Variants in SCN10A observed in about 807,000 individuals in gnomAD.
SCN10A encodes sodium voltage-gated channel alpha subunit 10.
A neutral mutation model predicts 170.7 loss-of-function variants in SCN10A; 162 were observed. That is an observed-to-expected ratio of 0.95 (90% CI 0.84 to 1.08). The LOEUF (loss-of-function observed/expected upper bound fraction) is 1.08. SCN10A is among the 50% of genes least tolerant of loss of function. The pLI is 0.00. For missense variants in SCN10A, 2,527 were observed against 2,436.9 expected, an observed-to-expected ratio of 1.04 and a Z score of -0.78; for synonymous variants, 985 against 904.6, an observed-to-expected ratio of 1.09 and a Z score of -1.59.
chr3:38,709,397 G>A, intron 25 of SCN10A, 81 bp downstream of exon 25: 1 of 1,436,306 alleles, frequency 7.0e-7, no homozygotes, highest in Non-Finnish European at 9.4e-7. Flanking sequence ...GCTTTTGTCA[G>A]GAGGCCAGAG....
intron 15 of SCN10A, among the ~76,000 whole-genome samples, chr3:38,738,102 G>A (rs2063590563): frequency 6.6e-6 from 1 of 151,684 alleles, no homozygotes; most frequent in African/African-American, 2.4e-5. Flanking sequence ...CACCATGCCT[G>A]GCTAATTTTT....
intron 20 of SCN10A, among the ~76,000 whole-genome samples, chr3:38,720,903 T>C (rs2063383017): frequency 6.6e-6 from 1 of 152,190 alleles, no homozygotes; most frequent in Non-Finnish European, 1.5e-5. Context: ...TGCCCAGCCC[T>C]CTCTTGCCCC....
intron 3 of SCN10A, among the ~76,000 whole-genome samples, chr3:38,789,578 G>A (rs189208614): frequency 2.0e-5 from 3 of 152,208 alleles, no homozygotes; most frequent in Admixed American, 2.0e-4. Flanking sequence ...AGATTGTTTG[G>A]GTAACTTAGT....
intron 20 of SCN10A, among the ~76,000 whole-genome samples, chr3:38,721,579 C>A (rs1442574383): frequency 6.6e-6 from 1 of 152,172 alleles, no homozygotes; most frequent in Non-Finnish European, 1.5e-5. Flanking sequence ...AGATGTCTCC[C>A]AACTCTGAAT....
intron 12 of SCN10A, among the ~76,000 whole-genome samples, chr3:38,750,432 G>C (rs1218351908): frequency 6.6e-6 from 1 of 152,124 alleles, no homozygotes; most frequent in Non-Finnish European, 1.5e-5. Context: ...ATTGCTCCTA[G>C]GCTACAAATC....
chr3:38,773,637 G>A (rs1019846373), intron 4 of SCN10A, among the ~76,000 whole-genome samples: 1 of 152,088 alleles, frequency 6.6e-6, no homozygotes, highest in Non-Finnish European at 1.5e-5. Flanking sequence ...TAACTCCAAG[G>A]AAAGCAAAAA....
chr3:38,723,559 G>T lies in SCN10A; in HGVS notation c.3229-6C>A. On this transcript the variant is annotated splice_polypyrimidine_tract_variant and splice_region_variant and intron_variant, in intron 18 of 27. Coordinates refer to ENST00000449082, the MANE Select transcript of SCN10A (RefSeq NM_006514.4). ...GAGCTTGTGTCGTCCACTCCCTGCA[G>T]GGGAGAAGCCCAGGGCAGTGAACTC... is the stretch of plus-strand genomic sequence containing the variant. 1 of 1,580,952 alleles carries T rather than the reference G, an allele frequency of 6.3e-7. No homozygotes were observed. The highest frequency in any genetic ancestry group is 2.3e-5 in the East Asian group (1 of 43,008).
intron 15 of SCN10A, among the ~76,000 whole-genome samples, chr3:38,733,166 C>G (rs947943604): frequency 2.0e-5 from 3 of 152,088 alleles, no homozygotes; most frequent in African/African-American, 7.2e-5. Context: ...TGAAATAAAT[C>G]AAAATCCCTG....
intron 21 of SCN10A, 93 bp from the exon 22 acceptor site, chr3:38,714,173 T>A (rs2063307343): frequency 6.8e-7 from 1 of 1,477,046 alleles, no homozygotes; most frequent in Non-Finnish European, 9.3e-7. Context: ...AGCCTCCCAT[T>A]CCTACACGTC....
chr3:38,736,912 T>C (rs1351142667), intron 15 of SCN10A, among the ~76,000 whole-genome samples: 1 of 148,428 alleles, frequency 6.7e-6, no homozygotes, highest in Non-Finnish European at 1.5e-5. Flanking sequence ...AAGTAGCACA[T>C]AGACCTTAAA....
intron 21 of SCN10A, among the ~76,000 whole-genome samples, chr3:38,717,424 G>A (rs997556669): frequency 1.3e-5 from 2 of 152,250 alleles, no homozygotes; most frequent in Non-Finnish European, 2.9e-5. Context: ...AGGAGTGACT[G>A]TGCCCCCAAA....
chr3:38,760,088 TG>T (rs2063852289), intron 8 of SCN10A, among the ~76,000 whole-genome samples: 1 of 152,262 alleles, frequency 6.6e-6, no homozygotes, highest in Non-Finnish European at 1.5e-5. Flanking sequence ...CCCTTTCCAA[TG>T]TGACTTTTCA....
chr3:38,767,180 A>G (rs2063942160), intron 5 of SCN10A, among the ~76,000 whole-genome samples: 1 of 151,532 alleles, frequency 6.6e-6, no homozygotes, highest in Admixed American at 6.6e-5. Context: ...TTTTTAAAGA[A>G]CCCGCTTTTT....
At chr3:38,721,573 G>A (rs906253514) in intron 20 of SCN10A, among the ~76,000 whole-genome samples, 7 of 152,160 alleles carry the variant, frequency 4.6e-5, no homozygotes, top group African/African-American at 1.7e-4. Flanking sequence ...CCTTAGAGAT[G>A]TCTCCCAACT....
intron 4 of SCN10A, among the ~76,000 whole-genome samples, chr3:38,786,914 A>T (rs941686273): frequency 6.6e-6 from 1 of 152,170 alleles, no homozygotes; most frequent in Non-Finnish European, 1.5e-5. Flanking sequence ...CTTCAATTAG[A>T]GCTTTATAGT....
Position 38,776,735 on chromosome 3 carries a change from T to C in SCN10A, c.471-5328A>G, listed in dbSNP as rs550742780. On this transcript the variant is annotated intron_variant, in intron 4 of 27. Coordinates refer to ENST00000449082, the MANE Select transcript of SCN10A (RefSeq NM_006514.4). ...AAACAAAGTAAGAATAAGTTGGAGT[T>C]CCCAGGGACAATTGAGGAGAGAGTT... Among the ~76,000 whole-genome samples the C allele has an allele frequency of 2.0e-3, 298 of 152,118 alleles. 5 individuals carry two copies. The highest frequency in any genetic ancestry group is 3.1e-3 in the Non-Finnish European group (210 of 67,908).
rs761285678 is a variant in SCN10A at position 38,760,712 on chromosome 3, G to T, written c.919C>A (p.Pro307Thr). The T allele has an allele frequency of 1.2e-6, 2 of 1,613,870 alleles. No individual in the cohort carries two copies. Among genetic ancestry groups the T allele is most frequent in the African/African-American group, 1.3e-5 (1 of 74,910 alleles). The change falls in exon 8 of 28, where the codon CCC becomes ACC. Residue 307 changes from proline to threonine, a missense_variant. Pro to Thr is a conservative substitution (Grantham distance 38). Coordinates refer to ENST00000449082, the MANE Select transcript of SCN10A (RefSeq NM_006514.4). ...TCAGATCCATTGCCACACAGTAAGGGGTCAGAAGTGCCTCGCTTATTTATG... is the reference window on the plus strand; with the variant it reads ...TCAGATCCATTGCCACACAGTAAGGTGTCAGAAGTGCCTCGCTTATTTATG... ...IYINKRGTSD[P>T]LLCGNGSDSG...
chr3:38,767,585 G>C (rs924549739), intron 5 of SCN10A, among the ~76,000 whole-genome samples: 5 of 151,850 alleles, frequency 3.3e-5, no homozygotes, highest in African/African-American at 1.2e-4. Flanking sequence ...AGGTTTATTC[G>C]ACTGTGCTCT....
At chr3:38,709,862 T>C (rs1222194871) in intron 24 of SCN10A, among the ~76,000 whole-genome samples, 1 of 152,196 alleles carries the variant, frequency 6.6e-6, no homozygotes, top group Non-Finnish European at 1.5e-5. Context: ...TCTGAGTAAC[T>C]GTGTAGAGCA....
Sources: gnomAD v4.1 joint callset for allele counts (sites outside exome capture counted in the v4.1 genomes callset) on GRCh38, gnomAD v4.1.1 for gene constraint, MANE v1.5 for transcripts, NCBI Gene and HGNC (gene_info 2026-07-23, HGNC 2026-07-21) for gene names.